Variants in SPIDR observed in about 807,000 individuals in gnomAD.
SPIDR encodes the protein DNA repair-scaffolding protein.
Under a neutral mutation model 104.6 loss-of-function variants are expected in SPIDR, and 93 were observed. The observed-to-expected ratio is 0.89, with a 90% confidence interval of 0.75 to 1.06. The LOEUF (loss-of-function observed/expected upper bound fraction) is 1.06, where lower values mean the gene tolerates loss of function less well. Among genes scored for constraint, SPIDR ranks in the 50% least tolerant of loss-of-function variants. The pLI, the probability that SPIDR is intolerant of heterozygous loss-of-function variation, is 0.00. For synonymous variants in SPIDR, 431 were observed against 416.9 expected, an observed-to-expected ratio of 1.03 and a Z score of -0.41; for missense variants, 1,154 against 1,111.2, an observed-to-expected ratio of 1.04 and a Z score of -0.55.
chr8:47,613,854 C>A (rs2154432022), intron 10 of SPIDR, among the ~76,000 whole-genome samples: 1 of 152,076 alleles, frequency 6.6e-6, no homozygotes, highest in Middle Eastern at 3.4e-3. Flanking sequence ...TAAGAGTTTT[C>A]TTATTTTATT....
chr8:47,426,438 T>C (rs1253247037), intron 7 of SPIDR, among the ~76,000 whole-genome samples: 2 of 152,160 alleles, frequency 1.3e-5, no homozygotes, highest in Non-Finnish European at 2.9e-5. Context: ...CCTTACTACT[T>C]TCATTCAACA....
chr8:47,411,513 T>C (rs548747008), intron 7 of SPIDR, among the ~76,000 whole-genome samples: 100 of 152,362 alleles, frequency 6.6e-4, no homozygotes, highest in African/African-American at 2.2e-3. Context: ...GGTTGTTTTT[T>C]TCTTGTAAAT....
At chr8:47,433,067 G>T (rs1244322634) in intron 7 of SPIDR, among the ~76,000 whole-genome samples, 1 of 152,138 alleles carries the variant, frequency 6.6e-6, no homozygotes. Context: ...AATCTTTACT[G>T]TCTCAGTAAA....
At chr8:47,560,143 T>C (rs554327694) in intron 8 of SPIDR, among the ~76,000 whole-genome samples, 15 of 152,340 alleles carry the variant, frequency 9.8e-5, no homozygotes, top group African/African-American at 3.4e-4. Context: ...TATTAACTCT[T>C]TGACTATGAG....
chr8:47,586,376 G>T (rs2060251179), intron 8 of SPIDR, among the ~76,000 whole-genome samples: 1 of 152,126 alleles, frequency 6.6e-6, no homozygotes, highest in Non-Finnish European at 1.5e-5. Context: ...AGCAGTATAT[G>T]AGCAATGTAG....
chr8:47,528,200 T>C (rs1191092665), intron 8 of SPIDR: 1 of 152,198 alleles, frequency 6.6e-6, no homozygotes, highest in Non-Finnish European at 1.5e-5. Context: ...GGCCAATCTG[T>C]CTTTGCAAAA....
intron 7 of SPIDR, among the ~76,000 whole-genome samples, chr8:47,438,873 G>GA (rs1362287096): frequency 6.0e-5 from 9 of 151,182 alleles, no homozygotes; most frequent in South Asian, 4.2e-4. Flanking sequence ...GGAAATGAAT[G>GA]AAAAAAAAGT....
chr8:47,690,329 G>A (rs906572553), intron 11 of SPIDR, among the ~76,000 whole-genome samples: 2 of 152,108 alleles, frequency 1.3e-5, no homozygotes, highest in Non-Finnish European at 2.9e-5. Flanking sequence ...TCCCAATGAA[G>A]TAGAACAGAA....
At chr8:47,320,354 T>C (rs1314213054) in intron 5 of SPIDR, among the ~76,000 whole-genome samples, 3 of 152,010 alleles carry the variant, frequency 2.0e-5, no homozygotes, top group Non-Finnish European at 4.4e-5. Flanking sequence ...CTAGAAGAAA[T>C]GGATACATTC....
chr8:47,707,502 A>C (rs1563615855), intron 14 of SPIDR, among the ~76,000 whole-genome samples: 1 of 152,194 alleles, frequency 6.6e-6, no homozygotes, highest in Admixed American at 6.5e-5. Flanking sequence ...TTTGTCAGAT[A>C]CAGGATTTGC....
chr8:47,373,473 T>A (rs62539085), intron 5 of SPIDR, among the ~76,000 whole-genome samples: 1 of 152,070 alleles, frequency 6.6e-6, no homozygotes, highest in East Asian at 1.9e-4. Flanking sequence ...GTGGCAGTAG[T>A]TTAGGTGGGA....
chr8:47,500,615 T>C (rs907108018), intron 8 of SPIDR, among the ~76,000 whole-genome samples: 1 of 152,220 alleles, frequency 6.6e-6, no homozygotes, highest in Non-Finnish European at 1.5e-5. Flanking sequence ...TGATGGTAGT[T>C]TCTTTTGCCG....
chr8:47,501,406 T>C (rs1450023373), intron 8 of SPIDR, among the ~76,000 whole-genome samples: 1 of 152,108 alleles, frequency 6.6e-6, no homozygotes, highest in Admixed American at 6.6e-5. Context: ...TTTGAAGCAA[T>C]TGTGAATGGG....
chr8:47,503,507 G>C (rs930169967), intron 8 of SPIDR, among the ~76,000 whole-genome samples: 1 of 150,694 alleles, frequency 6.6e-6, no homozygotes, highest in East Asian at 2.0e-4. Context: ...TCCTCCATCC[G>C]TTTATTTTGA....
chr8:47,271,269 C>G (rs1252782804), intron 1 of SPIDR, among the ~76,000 whole-genome samples: 1 of 152,112 alleles, frequency 6.6e-6, no homozygotes, highest in Admixed American at 6.6e-5. Context: ...ATTGAGGAAG[C>G]ATTTTGGGCT....
At chr8:47,585,966 C>T (rs1413161229) in intron 8 of SPIDR, among the ~76,000 whole-genome samples, 1 of 152,164 alleles carries the variant, frequency 6.6e-6, no homozygotes, top group Non-Finnish European at 1.5e-5. Context: ...ATATTCAAAC[C>T]ATAGCAACCA....
At chr8:47,672,374 A>G (rs193267289) in intron 10 of SPIDR, among the ~76,000 whole-genome samples, 1 of 152,274 alleles carries the variant, frequency 6.6e-6, no homozygotes, top group Admixed American at 6.5e-5. Context: ...TGAAATTCCT[A>G]TTAGACGTGT....
intron 8 of SPIDR, among the ~76,000 whole-genome samples, chr8:47,459,624 C>A (rs962121461): frequency 7.2e-5 from 11 of 151,818 alleles, no homozygotes; most frequent in Non-Finnish European, 1.5e-4. Context: ...GTTTCAATTT[C>A]ATTTAGTTCT....
chr8:47,702,072 C>G, intron 14 of SPIDR, 57 bp downstream of exon 14: 2 of 587,490 alleles, frequency 3.4e-6, no homozygotes, highest in Middle Eastern at 3.9e-4. Context: ...CTCTCTCTCT[C>G]TCTCTCTCTC....
Sources: allele counts gnomAD v4.1 joint callset (sites outside exome capture counted in the v4.1 genomes callset), GRCh38; gene constraint gnomAD v4.1.1; transcripts MANE v1.5; gene names NCBI Gene and HGNC (gene_info 2026-07-23, HGNC 2026-07-21).